EBF3: variants seen among roughly 807,000 people sequenced by gnomAD.
EBF3 encodes the protein EBF transcription factor 3, also known as transcription factor COE3.
In EBF3, 18 loss-of-function variants were observed where a neutral mutation model predicts 77.1. The ratio of observed to expected loss-of-function variants is 0.23; its 90% CI spans 0.16 to 0.35. The LOEUF is 0.35. Among genes scored for constraint, EBF3 ranks in the 10% least tolerant of loss-of-function variants. The probability of loss-of-function intolerance (pLI) is 1.00; values close to 1 mark genes in which losing one functional copy is unlikely to be tolerated. For synonymous variants in EBF3, 350 were observed against 343.5 expected (o/e 1.02, Z -0.21); for missense variants, 558 against 860.0 (o/e 0.65, Z 4.39).
chr10:129,918,021 T>C (rs1856012358), intron 6 of EBF3, among the ~76,000 whole-genome samples: 1 of 152,206 alleles, frequency 6.6e-6, no homozygotes, highest in Non-Finnish European at 1.5e-5. Context: ...TCAGCTCTGC[T>C]TTGTAGATGA....
At chr10:129,939,320 T>C (rs1857568636) in intron 6 of EBF3, among the ~76,000 whole-genome samples, 1 of 152,036 alleles carries the variant, frequency 6.6e-6, no homozygotes, top group African/African-American at 2.4e-5. Context: ...GACTGACAAA[T>C]ACGAAGGACA....
At chr10:129,962,035 A>G (rs999247559) in intron 4 of EBF3, 136 bp downstream of exon 4, 2 of 751,564 alleles carry the variant, frequency 2.7e-6, no homozygotes, top group Non-Finnish European at 4.5e-6. Context: ...ATAAATATGG[A>G]ATTCTCATTA....
chr10:129,876,511 C>T (rs962513672), intron 7 of EBF3, among the ~76,000 whole-genome samples: 3 of 152,214 alleles, frequency 2.0e-5, no homozygotes, highest in African/African-American at 7.2e-5. Context: ...GTGGGCGGGC[C>T]CAAAGAGCCC....
chr10:129,846,434 C>T (rs970227297), intron 11 of EBF3, among the ~76,000 whole-genome samples: 4 of 151,914 alleles, frequency 2.6e-5, no homozygotes, highest in Non-Finnish European at 5.9e-5. Flanking sequence ...CAGCACTCCT[C>T]GGCAAAGCCT....
In EBF3 at chr10:129,836,687, A is replaced by G. The variant is rs984524876; in HGVS notation, c.*1256T>C. On this transcript the variant is annotated 3_prime_UTR_variant, in exon 17 of 17. Coordinates refer to ENST00000440978, the MANE Select transcript of EBF3 (RefSeq NM_001375380.1). Reference sequence around the variant, plus strand: ...AGACACTGGTTCAGCTTAACGAAACAGATCAAAGAGACAAGTTCTTGGCTA... The same window carrying G: ...AGACACTGGTTCAGCTTAACGAAACGGATCAAAGAGACAAGTTCTTGGCTA... 1 of 152,490 alleles carries G rather than the reference A, an allele frequency of 6.6e-6. No homozygotes were observed. Among genetic ancestry groups the G allele is most frequent in the Non-Finnish European group, 1.5e-5 (1 of 67,986 alleles). The allele number at this position is 152,490 out of a possible 1,614,324, so 9.4% of individuals were successfully genotyped here.
At chr10:129,905,182 T>C (rs1162188963) in intron 6 of EBF3, among the ~76,000 whole-genome samples, 1 of 152,168 alleles carries the variant, frequency 6.6e-6, no homozygotes, top group African/African-American at 2.4e-5. Context: ...TGTCCTGACC[T>C]TGATGGCACC....
intron 6 of EBF3, among the ~76,000 whole-genome samples, chr10:129,895,379 C>T (rs911102234): frequency 2.0e-5 from 3 of 152,326 alleles, no homozygotes; most frequent in Admixed American, 6.5e-5. Context: ...CTCCCGGCAC[C>T]GAATCTACCT....
At position 129,962,179 on chromosome 10, in the gene EBF3, T is replaced by A; in HGVS notation, c.403A>T (p.Thr135Ser). Residue 135 changes from threonine (T) to serine (S), a missense_variant, in exon 4 of 17, where the codon ACC (threonine) becomes TCC (serine). This residue lies in a region of EBF3 where 84 missense variants were observed against 142.3 expected (regional missense o/e 0.59). Coordinates refer to ENST00000440978, the MANE Select transcript of EBF3 (RefSeq NM_001375380.1). ...DLYVRLIDSM[T>S]KQAIVYEGQD... ...GGCATAAACTTTCTCACCTGTTTGGTCATTGAATCTATGAGGCGAACATAC... is the reference window on the plus strand; with the variant it reads ...GGCATAAACTTTCTCACCTGTTTGGACATTGAATCTATGAGGCGAACATAC... 1 of 1,614,088 alleles carries A rather than the reference T, an allele frequency of 6.2e-7. No homozygotes were observed.
intron 6 of EBF3, among the ~76,000 whole-genome samples, chr10:129,934,012 T>G (rs1857196844): frequency 6.6e-6 from 1 of 152,186 alleles, no homozygotes; most frequent in African/African-American, 2.4e-5. Context: ...GCTTGCCAGA[T>G]TTAGCAAATA....
intron 6 of EBF3, among the ~76,000 whole-genome samples, chr10:129,886,937 A>AG: frequency 6.6e-6 from 1 of 151,674 alleles, no homozygotes; most frequent in Admixed American, 6.6e-5. Flanking sequence ...CTGGTCAAGA[A>AG]GGGGTTTTAA....
chr10:129,917,399 TATC>T (rs1370408802), intron 6 of EBF3, among the ~76,000 whole-genome samples: 1 of 152,044 alleles, frequency 6.6e-6, no homozygotes, highest in Non-Finnish European at 1.5e-5. Context: ...GTGGGGCACA[TATC>T]ATATGCATAT....
chr10:129,876,885 A>ACGCC (rs1852810848), intron 7 of EBF3, among the ~76,000 whole-genome samples: 2 of 42,368 alleles, frequency 4.7e-5, no homozygotes, highest in Non-Finnish European at 8.8e-5. Context: ...TCATCCCTGA[A>ACGCC]CCCCCCCCCC....
intron 5 of EBF3, among the ~76,000 whole-genome samples, chr10:129,958,666 G>A (rs1242651712): frequency 6.6e-6 from 1 of 152,200 alleles, no homozygotes; most frequent in Non-Finnish European, 1.5e-5. Context: ...GCATCACCCA[G>A]ACCTGTTTTC....
rs1859656037 is a variant in EBF3, at chr10:129,963,136, G to A, written c.292-131C>T. ...GATTCCTAGCTCGAAGCAGCGCGGT[G>A]ATGTCACTTTCCTGCTGGAAGCCCA... is the stretch of plus-strand genomic sequence containing the variant. On this transcript the variant is annotated intron_variant, in intron 2 of 16. Coordinates refer to ENST00000440978, the MANE Select transcript of EBF3 (RefSeq NM_001375380.1). The surrounding 1 kb of genome is among the most constrained non-coding windows in gnomAD (Gnocchi z 7.1). 3 of 1,284,080 alleles carry A rather than the reference G, an allele frequency of 2.3e-6. No individual in the cohort carries two copies. Among genetic ancestry groups the A allele is most frequent in the Non-Finnish European group, 3.4e-6 (3 of 894,760 alleles). The allele number at this position is 1,284,080 out of a possible 1,614,324, so 79.5% of individuals were successfully genotyped here.
intron 6 of EBF3, among the ~76,000 whole-genome samples, chr10:129,925,822 C>CGTAGCT (rs771838942): frequency 5.7e-4 from 86 of 152,164 alleles, no homozygotes; most frequent in Non-Finnish European, 1.0e-3. Context: ...ACACAAAGCC[C>CGTAGCT]ACGCACCACG....
At chr10:129,937,398 C>T (rs1423963531) in intron 6 of EBF3, among the ~76,000 whole-genome samples, 1 of 152,146 alleles carries the variant, frequency 6.6e-6, no homozygotes, top group African/African-American at 2.4e-5. Flanking sequence ...AGAGAGGCCC[C>T]AGGGACCTCA....
chr10:129,877,950 C>A, intron 6 of EBF3, 101 bp from the exon 7 acceptor site: 2 of 880,080 alleles, frequency 2.3e-6, no homozygotes, highest in South Asian at 1.6e-5. Flanking sequence ...GAGACTCAAC[C>A]CCACAGCTTC....
At position 129,963,671 on chromosome 10, in the gene EBF3, G is replaced by C; in HGVS notation, c.98C>G (p.Thr33Arg). ...CGTGTTGGCGTCCACCACGCCCGCC[G>C]TGTGCATCCACGAGCGCACCGGGTT... ...GMNPVRSWMH[T>R]AGVVDANTAA... is the part of the protein sequence containing the mutation. Residue 33 changes from threonine (T) to arginine (R), a missense_variant, in exon 1 of 17, where the codon ACG becomes AGG. Thr to Arg is a moderately conservative substitution (Grantham distance 71). Coordinates refer to ENST00000440978, the MANE Select transcript of EBF3 (RefSeq NM_001375380.1). The surrounding 1 kb of genome is among the most constrained non-coding windows in gnomAD (Gnocchi z 7.1). 6.0e-6 allele frequency: 9 copies of C among 1,510,024 alleles called. No individual in the cohort carries two copies. Among genetic ancestry groups the C allele is most frequent in the Non-Finnish European group, 8.0e-6 (9 of 1,121,780 alleles). The allele number at this position is 1,510,024 out of a possible 1,614,324, so 93.5% of individuals were successfully genotyped here. A position where few individuals can be genotyped will look rare whatever the true frequency, so the allele number is the denominator to read the frequency against.
At chr10:129,889,007 T>G (rs1853817826) in intron 6 of EBF3, among the ~76,000 whole-genome samples, 1 of 152,166 alleles carries the variant, frequency 6.6e-6, no homozygotes. Flanking sequence ...CGGGAACCCC[T>G]GTCCCCTCCC....
Sources: gnomAD v4.1 joint callset for allele counts (sites outside exome capture counted in the v4.1 genomes callset) on GRCh38, gnomAD v4.1.1 for gene constraint, gnomAD v4.1.1 regional missense constraint, Gnocchi (gnomAD v3.1) non-coding constraint, MANE v1.5 for transcripts, NCBI Gene and HGNC (gene_info 2026-07-23, HGNC 2026-07-21) for gene names.